The following DCUN1D4 variants were observed in gnomAD, a reference collection of about 807,000 sequenced individuals.
DCUN1D4 encodes defective in cullin neddylation 1 domain containing 4, also known as DCN1-like protein 4.
Under a neutral mutation model 47.9 loss-of-function variants are expected in DCUN1D4, and 22 were observed. The observed-to-expected ratio is 0.46, with a 90% CI of 0.33 to 0.66. The LOEUF is 0.66. DCUN1D4 is among the 30% of genes least tolerant of loss of function. The pLI is 0.02. For synonymous variants in DCUN1D4, 121 were observed against 112.2 expected (o/e 1.08, Z -0.50); for missense variants, 301 against 340.8 (o/e 0.88, Z 0.92).
At chr4:51,909,278 A>AC in intron 8 of DCUN1D4, 1 of 260,144 alleles carries the variant, frequency 3.8e-6, no homozygotes, top group Non-Finnish European at 7.6e-6. Context: ...CAAAGGGAAA[A>AC]CTCTTCCAGA....
chr4:51,891,232 C>T (rs963747648), intron 6 of DCUN1D4, among the ~76,000 whole-genome samples: 1 of 152,210 alleles, frequency 6.6e-6, no homozygotes, highest in Non-Finnish European at 1.5e-5. Flanking sequence ...CATATTTGTC[C>T]AGCTAGTTCT....
chr4:51,872,259 A>C (rs1208049158), intron 3 of DCUN1D4, among the ~76,000 whole-genome samples: 1 of 152,196 alleles, frequency 6.6e-6, no homozygotes, highest in Admixed American at 6.5e-5. Context: ...GGAAGCCCAG[A>C]TATGAACTGG....
chr4:51,834,075 TC>T, the DCUN1D4 span, among the ~76,000 whole-genome samples: 2,020 of 140,188 alleles, frequency 0.014, 117 homozygotes, highest in African/African-American at 0.045. Flanking sequence ...TCTCTCTCTC[TC>T]TCTCTCTCTC....
chr4:51,847,992 T>C (rs1222192227), intron 1 of DCUN1D4, among the ~76,000 whole-genome samples: 2 of 152,228 alleles, frequency 1.3e-5, no homozygotes, highest in Non-Finnish European at 2.9e-5. Flanking sequence ...ATGCCTTGCA[T>C]AGCTACCCAA....
rs531344196 is a variant in DCUN1D4, at chr4:51,915,708, A to T, written c.*2124A>T. 1.3e-4 allele frequency: 20 copies of T among 152,718 alleles called. No homozygotes were observed. Among genetic ancestry groups the T allele is most frequent in the African/African-American group, 3.1e-4 (13 of 41,572 alleles). The allele number at this position is 152,718 out of a possible 1,614,324, so 9.5% of individuals were successfully genotyped here. Reference sequence around the variant, plus strand: ...ACTATGTTAGAATATAGAGATTTTTAAAAAATGCTGATAAGCACAGTTAAT... The same window carrying T: ...ACTATGTTAGAATATAGAGATTTTTTAAAAATGCTGATAAGCACAGTTAAT... On this transcript the variant is annotated 3_prime_UTR_variant, in exon 11 of 11. Coordinates refer to ENST00000334635, the MANE Select transcript of DCUN1D4 (RefSeq NM_001040402.3).
upstream of DCUN1D4, among the ~76,000 whole-genome samples, chr4:51,842,429 A>C (rs1721751560): frequency 6.6e-6 from 1 of 152,246 alleles, no homozygotes; most frequent in Admixed American, 6.5e-5. Context: ...ACTCTGCGAA[A>C]CAAGTATGCG....
intron 6 of DCUN1D4, among the ~76,000 whole-genome samples, chr4:51,891,335 G>A (rs1266743978): frequency 6.6e-6 from 1 of 152,158 alleles, no homozygotes; most frequent in Non-Finnish European, 1.5e-5. Context: ...ATGGCCATTT[G>A]GTTGTTTTCA....
chr4:51,883,480 A>G (rs1481464842), intron 5 of DCUN1D4, among the ~76,000 whole-genome samples: 2 of 152,238 alleles, frequency 1.3e-5, no homozygotes, highest in South Asian at 2.1e-4. Context: ...AAAGCAGGCA[A>G]TATATTGTGT....
At chr4:51,854,940 G>A (rs1331158521) in intron 1 of DCUN1D4, among the ~76,000 whole-genome samples, 1 of 152,086 alleles carries the variant, frequency 6.6e-6, no homozygotes, top group Non-Finnish European at 1.5e-5. Flanking sequence ...ATGTTCAGCT[G>A]GTGAGTATAA....
chr4:51,862,865 A>G (rs1725286732), intron 1 of DCUN1D4, among the ~76,000 whole-genome samples: 1 of 152,054 alleles, frequency 6.6e-6, no homozygotes, highest in Admixed American at 6.5e-5. Context: ...AAAAAGAAAA[A>G]TTAGCTGTGC....
intron 1 of DCUN1D4, among the ~76,000 whole-genome samples, chr4:51,857,269 T>C (rs983180831): frequency 1.3e-5 from 2 of 152,186 alleles, no homozygotes; most frequent in African/African-American, 4.8e-5. Context: ...GCAACTCCAG[T>C]GTACTCAGAA....
At chr4:51,854,907 C>T (rs901746569) in intron 1 of DCUN1D4, among the ~76,000 whole-genome samples, 4 of 152,128 alleles carry the variant, frequency 2.6e-5, no homozygotes, top group Non-Finnish European at 2.9e-5. Context: ...TTCATTGTAG[C>T]ATTTCAGATT....
chr4:51,836,577 G>A, the DCUN1D4 span, among the ~76,000 whole-genome samples: 156 of 152,174 alleles, frequency 1.0e-3, 2 homozygotes, highest in Non-Finnish European at 1.9e-3. Flanking sequence ...CTGAGTGTTG[G>A]GCAGAACGGG....
chr4:51,851,280 T>C (rs1429269154), intron 1 of DCUN1D4, among the ~76,000 whole-genome samples: 1 of 152,124 alleles, frequency 6.6e-6, no homozygotes, highest in Non-Finnish European at 1.5e-5. Context: ...AATGGATGCA[T>C]GGGACGATGA....
chr4:51,887,616 A>G (rs982259333), intron 6 of DCUN1D4, among the ~76,000 whole-genome samples: 1 of 152,236 alleles, frequency 6.6e-6, no homozygotes, highest in Non-Finnish European at 1.5e-5. Context: ...CTCCAGTTTA[A>G]TAAATATGTC....
intron 1 of DCUN1D4, chr4:51,843,625 C>A: frequency 1.8e-6 from 1 of 550,238 alleles, no homozygotes; most frequent in South Asian, 8.9e-5. Flanking sequence ...CGGGCAGGGC[C>A]GGGGATGTGG....
intron 6 of DCUN1D4, among the ~76,000 whole-genome samples, chr4:51,891,020 G>A (rs1020483499): frequency 2.0e-5 from 3 of 152,162 alleles, no homozygotes; most frequent in Non-Finnish European, 4.4e-5. Context: ...CAGACCCTGG[G>A]CCCATTCCAG....
At chr4:51,875,297 A>G (rs1398215457) in intron 4 of DCUN1D4, 1 of 152,244 alleles carries the variant, frequency 6.6e-6, no homozygotes, top group African/African-American at 2.4e-5. Flanking sequence ...TCAACTTTAC[A>G]AAGGCAGGCT....
At chr4:51,835,146 A>G in the DCUN1D4 span, among the ~76,000 whole-genome samples, 1 of 152,240 alleles carries the variant, frequency 6.6e-6, no homozygotes, top group Non-Finnish European at 1.5e-5. Flanking sequence ...GTGGGCAAGC[A>G]GCCCTCTGTA....
Sources: allele counts gnomAD v4.1 joint callset (sites outside exome capture counted in the v4.1 genomes callset), GRCh38; gene constraint gnomAD v4.1.1; transcripts MANE v1.5; gene names NCBI Gene and HGNC (gene_info 2026-07-23, HGNC 2026-07-21).